The following HPS3 variants were observed in gnomAD, a reference collection of about 807,000 sequenced individuals.
HPS3 encodes the protein BLOC-2 complex member HPS3.
Under a neutral mutation model 110.9 loss-of-function variants are expected in HPS3, and 79 were observed. The observed-to-expected ratio is 0.71, with a 90% confidence interval of 0.59 to 0.86. HPS3 has a LOEUF of 0.86. Among genes scored for constraint, HPS3 ranks in the 40% least tolerant of loss-of-function variants. The pLI, the probability that HPS3 is intolerant of heterozygous loss-of-function variation, is 0.00. For missense variants in HPS3, 1,197 were observed against 1,206.2 expected (o/e 0.99, Z 0.11); for synonymous variants, 428 against 451.0 (o/e 0.95, Z 0.65).
In HPS3 at chr3:149,141,191, A is replaced by C; in HGVS notation, c.884+3A>C. ...CACTTTCAGCACCTGCTCTATAGGT[A>C]TTATAGTGCTTTTTTTTTTTTTACC... On this transcript the variant is annotated splice_donor_region_variant and intron_variant, in intron 3 of 16. Transcript: ENST00000296051. 1 of 1,531,414 alleles carries C rather than the reference A, an allele frequency of 6.5e-7. No individual in the cohort carries two copies. Among genetic ancestry groups the C allele is most frequent in the Non-Finnish European group, 8.9e-7 (1 of 1,122,522 alleles). 94.9% of individuals were successfully genotyped at this position (1,531,414 alleles called of 1,614,324 possible).
Position 149,146,829 on chromosome 3 carries a change from G to A in HPS3, c.1163+1283G>A, listed in dbSNP as rs548857953. 1.2e-4 allele frequency among the ~76,000 whole-genome samples: 19 copies of A among 152,340 alleles called. No homozygotes were observed. The East Asian group carries it at 3.7e-3, about 29-fold the overall frequency. ...AGAAGCTGAAAAGTAGACAGGTGGT[G>A]AAAACAGTGCTTGAAAAGAGAGCTC... On this transcript the variant is annotated intron_variant, in intron 5 of 16. Coordinates refer to ENST00000296051, the MANE Select transcript of HPS3 (RefSeq NM_032383.5).
rs542477463 is a variant in HPS3, at chr3:149,132,085, A to C, written c.217+2145A>C. On this transcript the variant is annotated intron_variant, in intron 1 of 16. Coordinates refer to ENST00000296051, the MANE Select transcript of HPS3 (RefSeq NM_032383.5). ...TTTAAGGGAAGAAGCTGTCTCCATA[A>C]TATAAAAGTGCAAGGTGAAACAGCA... Among the ~76,000 whole-genome samples the C allele has an allele frequency of 1.1e-4, 16 of 152,354 alleles. 1 individual carries two copies. Among genetic ancestry groups the C allele is most frequent in the Admixed American group, 9.8e-4 (15 of 15,302 alleles).
Position 149,158,692 on chromosome 3 carries a change from C to G in HPS3, c.1718C>G (p.Thr573Ser). The G allele has an allele frequency of 6.2e-7, 1 of 1,613,764 alleles. No individual in the cohort carries two copies. Among genetic ancestry groups the G allele is most frequent in the Admixed American group, 1.7e-5 (1 of 59,998 alleles). Residue 573 changes from threonine to serine, a missense_variant, in exon 10 of 17, where the codon ACC (threonine) becomes AGC (serine). Physicochemically the swap from Thr to Ser is moderately conservative, Grantham distance 58. Coordinates refer to ENST00000296051, the MANE Select transcript of HPS3 (RefSeq NM_032383.5). ...CTTGACTCCCAGCATTCTCATCTCA[C>G]CTTGCCATACTATAAGATGTCTGGT... is the stretch of plus-strand genomic sequence containing the variant. ...SRLDSQHSHL[T>S]LPYYKMSGLS...
At chr3:149,149,190 C>T (rs1159455228) in intron 5 of HPS3, among the ~76,000 whole-genome samples, 1 of 150,350 alleles carries the variant, frequency 6.7e-6, no homozygotes. Context: ...GTCTCGATCT[C>T]CTGACCTCAT....
chr3:149,170,809 C>CA (rs1724898241), intron 16 of HPS3, among the ~76,000 whole-genome samples: 1 of 152,150 alleles, frequency 6.6e-6, no homozygotes, highest in Non-Finnish European at 1.5e-5. Context: ...AACGATCACA[C>CA]AGGGAATGGC....
In HPS3 at chr3:149,158,764, A is replaced by G; in HGVS notation, c.1790A>G (p.Asp597Gly). The part of the protein sequence containing the change: ...VLARTDWTVE[D>G]GLQKYERGLI... ...GCCCGCACGGACTGGACAGTAGAGG[A>G]TGGATTACAGAAATACGAGAGAGGA... The change falls in exon 10 of 17, where the codon GAT becomes GGT. Residue 597 changes from aspartate to glycine, a missense_variant. Physicochemically the swap from Asp to Gly is moderately conservative, Grantham distance 94 (BLOSUM62 -1). Coordinates refer to ENST00000296051, the MANE Select transcript of HPS3 (RefSeq NM_032383.5). 6.2e-7 allele frequency: 1 copy of G among 1,612,178 alleles called. No individual in the cohort carries two copies. The highest frequency in any genetic ancestry group is 1.1e-5 in the South Asian group (1 of 91,046).
intron 8 of HPS3, among the ~76,000 whole-genome samples, chr3:149,156,949 A>T (rs1296243717): frequency 6.6e-6 from 1 of 152,200 alleles, no homozygotes; most frequent in Non-Finnish European, 1.5e-5. Flanking sequence ...AAACTAAAAT[A>T]AGGGAAGAAT....
At chr3:149,147,048 A>C (rs183780594) in intron 5 of HPS3, among the ~76,000 whole-genome samples, 62 of 152,290 alleles carry the variant, frequency 4.1e-4, no homozygotes, top group African/African-American at 1.3e-3. Flanking sequence ...TGTTAATGAA[A>C]GGAGAAGGGA....
In HPS3 at chr3:149,153,512, A is replaced by G. The variant is rs1723259416; in HGVS notation, c.1264A>G (p.Met422Val). 1.2e-6 allele frequency: 2 copies of G among 1,613,912 alleles called. No individual in the cohort carries two copies. Among genetic ancestry groups the G allele is most frequent in the Admixed American group, 1.7e-5 (1 of 60,002 alleles). The change falls in exon 7 of 17, where the codon ATG (methionine) becomes GTG (valine). Residue 422 changes from methionine to valine, a missense_variant. Transcript: ENST00000296051. ...TTACTAGGCTTGCCCACCTGTCAGT[A>G]TGGATGTCTGTGCTTTAAGAATACA... ...TTLKACPPVS[M>V]DVCALRIQLF... is the part of the protein sequence containing the mutation.
chr3:149,144,667 A>G (rs1229136798), intron 4 of HPS3, among the ~76,000 whole-genome samples: 2 of 152,196 alleles, frequency 1.3e-5, no homozygotes, highest in Admixed American at 6.5e-5. Context: ...GTCATTTAAC[A>G]TGTTTCTCTG....
chr3:149,129,747 C>T lies in HPS3; in HGVS notation c.24C>T (p.His8=), dbSNP rs1721628635. 1.9e-6 allele frequency: 3 copies of T among 1,605,024 alleles called. No homozygotes were observed. Among genetic ancestry groups the T allele is most frequent in the Non-Finnish European group, 1.7e-6 (2 of 1,178,172 alleles). The change falls in exon 1 of 17, where the codon CAC becomes CAT. Residue 8 remains histidine (H), a synonymous_variant. Transcript: ENST00000296051. MVQLYNL[H]PFGSQQVVPC... Reference sequence around the variant, plus strand: ...GGATGGTGCAGCTGTACAACCTGCACCCGTTCGGGTCGCAGCAGGTGGTGC... The same window carrying T: ...GGATGGTGCAGCTGTACAACCTGCATCCGTTCGGGTCGCAGCAGGTGGTGC...
chr3:149,140,908 A>T (rs1722400226), intron 2 of HPS3, 109 bp from the exon 3 acceptor site: 1 of 1,006,804 alleles, frequency 9.9e-7, no homozygotes, highest in Non-Finnish European at 1.5e-6. Context: ...TGCCTTGTAA[A>T]TGTGTGCATA....
rs10718838 is a variant in HPS3, at chr3:149,141,531, GT to G, written c.970+172del. The G allele has an allele frequency of 0.28, 106,131 of 377,376 alleles. 5,765 individuals are homozygous for G. The highest frequency in any genetic ancestry group is 0.36 in the East Asian group (6,483 of 17,802). 23.4% of individuals were successfully genotyped at this position (377,376 alleles called of 1,614,324 possible). A position where few individuals can be genotyped will look rare whatever the true frequency, so the allele number is the denominator to read the frequency against. Reference sequence around the variant, plus strand: ...GCCCTTTAACAAAGTTTTTTTTTTTGTTTTTTTTTTTTTTTTTTTTTGAGAC... The same window carrying G: ...GCCCTTTAACAAAGTTTTTTTTTTTGTTTTTTTTTTTTTTTTTTTTGAGAC... On this transcript the variant is annotated intron_variant, in intron 4 of 16. Transcript: ENST00000296051.
At position 149,155,030 on chromosome 3, in the gene HPS3, A is replaced by G. The variant is rs1723355710; in HGVS notation, c.1401-77A>G. ...GAAAATGATTTTATAGTTATTTTAT[A>G]TCCAATATTTACCATTTACAACTAC... On this transcript the variant is annotated intron_variant, in intron 7 of 16. Coordinates refer to ENST00000296051, the MANE Select transcript of HPS3 (RefSeq NM_032383.5). 6 of 799,078 alleles carry G rather than the reference A, an allele frequency of 7.5e-6. No homozygotes were observed. The East Asian group carries it at 1.5e-4, about 20-fold the overall frequency. 49.5% of individuals were successfully genotyped at this position (799,078 alleles called of 1,614,324 possible). A position where few individuals can be genotyped will look rare whatever the true frequency, so the allele number is the denominator to read the frequency against.
intron 5 of HPS3, among the ~76,000 whole-genome samples, chr3:149,148,479 T>G (rs1301907555): frequency 6.9e-6 from 1 of 145,014 alleles, no homozygotes; most frequent in African/African-American, 2.6e-5. Context: ...CTCAGCTCAC[T>G]GCAACCTCCA....
At chr3:149,171,934 T>C (rs1183354795) in intron 16 of HPS3, among the ~76,000 whole-genome samples, 161 bp from the exon 17 acceptor site, 1 of 152,146 alleles carries the variant, frequency 6.6e-6, no homozygotes. Flanking sequence ...CTTGAACTCC[T>C]GACCTCGTGA....
intron 1 of HPS3, among the ~76,000 whole-genome samples, chr3:149,135,074 A>T (rs1170062119): frequency 6.6e-6 from 1 of 152,200 alleles, no homozygotes; most frequent in Non-Finnish European, 1.5e-5. Flanking sequence ...CTCCTCAAAA[A>T]TGGAAAGAAT....
intron 4 of HPS3, 21 bp downstream of exon 4, chr3:149,141,401 G>A (rs1243684685): frequency 1.3e-6 from 2 of 1,575,384 alleles, no homozygotes; most frequent in Non-Finnish European, 1.7e-6. Flanking sequence ...CAGTGCAGGA[G>A]TGCGACAGTG....
intron 1 of HPS3, among the ~76,000 whole-genome samples, chr3:149,131,901 A>G (rs1002130327): frequency 2.0e-5 from 3 of 152,240 alleles, no homozygotes; most frequent in Admixed American, 2.0e-4. Flanking sequence ...CTGATAGGAA[A>G]AAAACTTTGC....
Sources: gnomAD v4.1 joint callset for allele counts (sites outside exome capture counted in the v4.1 genomes callset) on GRCh38, gnomAD v4.1.1 for gene constraint, MANE v1.5 for transcripts, NCBI Gene and HGNC (gene_info 2026-07-23, HGNC 2026-07-21) for gene names.